TTC28: variants seen among roughly 807,000 people sequenced by gnomAD.
TTC28 encodes the protein tetratricopeptide repeat protein 28.
In TTC28, 61 loss-of-function variants were observed where a neutral mutation model predicts 198.0. The observed-to-expected ratio is 0.31, with a 90% CI of 0.25 to 0.38. The LOEUF (loss-of-function observed/expected upper bound fraction) is 0.38, where lower values mean the gene tolerates loss of function less well. Among genes scored for constraint, TTC28 ranks in the 10% least tolerant of loss-of-function variants. The probability of loss-of-function intolerance (pLI) is 1.00; values close to 1 mark genes in which losing one functional copy is unlikely to be tolerated. For synonymous variants in TTC28, 1,171 were observed against 1,297.8 expected, an observed-to-expected ratio of 0.90 and a Z score of 2.10; for missense variants, 2,678 against 3,164.0, an observed-to-expected ratio of 0.85 and a Z score of 3.69.
rs1328700985 is a variant in TTC28, at chr22:28,166,774, A to G, written c.934-3175T>C. 2.6e-5 allele frequency among the ~76,000 whole-genome samples: 4 copies of G among 152,230 alleles called. No individual in the cohort carries two copies. In the East Asian group the frequency reaches 7.7e-4, roughly 29 times the overall value. Reference sequence around the variant, plus strand: ...CACAATTAGAAGAACTAGAGAAGCAAGAGCAAACACATTCAAAAGCTAGCA... The same window carrying G: ...CACAATTAGAAGAACTAGAGAAGCAGGAGCAAACACATTCAAAAGCTAGCA... On this transcript the variant is annotated intron_variant, in intron 5 of 22. Transcript: ENST00000397906.
intron 2 of TTC28, among the ~76,000 whole-genome samples, chr22:28,323,242 A>G (rs896234085): frequency 1.3e-5 from 2 of 152,192 alleles, no homozygotes; most frequent in African/African-American, 4.8e-5. Context: ...ACCATCCAGG[A>G]AAGTATGACC....
intron 2 of TTC28, among the ~76,000 whole-genome samples, chr22:28,491,081 T>C (rs1306373050): frequency 1.3e-5 from 2 of 152,172 alleles, no homozygotes; most frequent in East Asian, 3.9e-4. Context: ...TAGGAAATCT[T>C]CAACTTTGTC....
At chr22:28,016,931 G>C (rs1362983474) in intron 13 of TTC28, among the ~76,000 whole-genome samples, 1 of 152,200 alleles carries the variant, frequency 6.6e-6, no homozygotes, top group African/African-American at 2.4e-5. Flanking sequence ...ACCCCTACTG[G>C]CAATGCTGAA....
chr22:28,406,761 C>T (rs2047003221), intron 2 of TTC28, among the ~76,000 whole-genome samples: 2 of 152,298 alleles, frequency 1.3e-5, no homozygotes, highest in South Asian at 4.1e-4. Flanking sequence ...AGTCTGTGCT[C>T]GCCCTTTAAC....
chr22:28,460,675 A>G (rs1428509882), intron 2 of TTC28, among the ~76,000 whole-genome samples: 2 of 150,192 alleles, frequency 1.3e-5, no homozygotes, highest in East Asian at 3.9e-4. Flanking sequence ...AGACAGACAG[A>G]CAGATAGATA....
At chr22:28,408,866 A>G (rs2047038870) in intron 2 of TTC28, among the ~76,000 whole-genome samples, 1 of 152,250 alleles carries the variant, frequency 6.6e-6, no homozygotes, top group African/African-American at 2.4e-5. Flanking sequence ...CTTCTCATGT[A>G]GGACAGATGG....
intron 2 of TTC28, among the ~76,000 whole-genome samples, chr22:28,608,623 G>C (rs1275323315): frequency 6.6e-6 from 1 of 152,156 alleles, no homozygotes; most frequent in South Asian, 2.1e-4. Flanking sequence ...TCCCAAGAAG[G>C]ACCTAAGAAG....
chr22:28,127,685 C>T (rs1942952565), intron 6 of TTC28, among the ~76,000 whole-genome samples: 1 of 151,848 alleles, frequency 6.6e-6, no homozygotes, highest in Non-Finnish European at 1.5e-5. Flanking sequence ...TTATTTCATC[C>T]TTTTTTAACT....
intron 5 of TTC28, among the ~76,000 whole-genome samples, chr22:28,166,924 G>A (rs1441759890): frequency 6.6e-6 from 1 of 151,896 alleles, no homozygotes; most frequent in Non-Finnish European, 1.5e-5. Context: ...TGGACTGCTA[G>A]AAAGACTAAT....
chr22:28,465,117 T>C (rs1453771827), intron 2 of TTC28, among the ~76,000 whole-genome samples: 1 of 152,240 alleles, frequency 6.6e-6, no homozygotes, highest in Admixed American at 6.5e-5. Context: ...TAACTTAGGT[T>C]TACAAACTGG....
At chr22:28,493,797 ACAC>A (rs1009386793) in intron 2 of TTC28, among the ~76,000 whole-genome samples, 25 of 152,322 alleles carry the variant, frequency 1.6e-4, no homozygotes, top group African/African-American at 5.3e-4. Flanking sequence ...AATAGAAAGG[ACAC>A]CACAACACAT....
At chr22:28,189,151 C>A (rs1042747616) in intron 5 of TTC28, among the ~76,000 whole-genome samples, 3 of 152,026 alleles carry the variant, frequency 2.0e-5, no homozygotes, top group African/African-American at 7.2e-5. Context: ...AGTTCAAGAC[C>A]ATCCTGGGCA....
intron 2 of TTC28, among the ~76,000 whole-genome samples, chr22:28,411,353 C>G (rs976229807): frequency 2.6e-5 from 4 of 152,180 alleles, no homozygotes; most frequent in African/African-American, 9.6e-5. Context: ...TTCCTACTCA[C>G]AGAATAGCCA....
At chr22:28,170,661 T>C (rs1922580943) in intron 5 of TTC28, among the ~76,000 whole-genome samples, 1 of 152,160 alleles carries the variant, frequency 6.6e-6, no homozygotes, top group Non-Finnish European at 1.5e-5. Context: ...ATGTTTACCA[T>C]GATGACTGAT....
intron 2 of TTC28, among the ~76,000 whole-genome samples, chr22:28,386,974 C>T (rs2046613484): frequency 6.6e-6 from 1 of 152,032 alleles, no homozygotes; most frequent in South Asian, 2.1e-4. Flanking sequence ...GGTATATCAC[C>T]CAATGCTATC....
chr22:28,093,786 A>C (rs1339366270), intron 12 of TTC28, among the ~76,000 whole-genome samples: 1 of 152,202 alleles, frequency 6.6e-6, no homozygotes, highest in African/African-American at 2.4e-5. Context: ...TGGTATGTTA[A>C]ATTCAAAGCC....
At chr22:28,051,269 C>A (rs1042897602) in intron 12 of TTC28, among the ~76,000 whole-genome samples, 8 of 152,310 alleles carry the variant, frequency 5.3e-5, no homozygotes, top group South Asian at 2.1e-4. Flanking sequence ...CCTTTGCAAT[C>A]CCCCATCTCT....
At chr22:28,128,061 C>G (rs1942960278) in intron 6 of TTC28, among the ~76,000 whole-genome samples, 1 of 152,140 alleles carries the variant, frequency 6.6e-6, no homozygotes. Context: ...TGTAACTTAG[C>G]TCAGAGTCTG....
intron 2 of TTC28, among the ~76,000 whole-genome samples, chr22:28,370,007 T>C (rs973820421): frequency 1.3e-5 from 2 of 152,176 alleles, no homozygotes; most frequent in African/African-American, 4.8e-5. Context: ...CGCCTCCCTC[T>C]GTATACCAGG....
Sources: allele counts gnomAD v4.1 joint callset (sites outside exome capture counted in the v4.1 genomes callset), GRCh38; gene constraint gnomAD v4.1.1; transcripts MANE v1.5; gene names NCBI Gene and HGNC (gene_info 2026-07-23, HGNC 2026-07-21).